PCDHA10: variants seen among roughly 807,000 people sequenced by gnomAD.
PCDHA10 encodes protocadherin alpha 10, also known as protocadherin alpha-10.
PCDHA10 carries 45 observed loss-of-function variants against 61.2 expected under a neutral mutation model. The observed-to-expected ratio is 0.74, with a 90% confidence interval of 0.58 to 0.94. The LOEUF (loss-of-function observed/expected upper bound fraction) is 0.94, where lower values mean the gene tolerates loss of function less well. Ranked by LOEUF, PCDHA10 falls within the 40% of genes least tolerant of loss-of-function variation. PCDHA10 has a pLI of 0.00. For synonymous variants in PCDHA10, 602 were observed against 548.8 expected, an observed-to-expected ratio of 1.10 and a Z score of -1.35; for missense variants, 1,278 against 1,236.2, an observed-to-expected ratio of 1.03 and a Z score of -0.51.
chr5:140,863,464 C>A, intron 1 of PCDHA10: 1 of 512,348 alleles, frequency 2.0e-6, no homozygotes, highest in South Asian at 1.5e-5. Context: ...AGATTTTACT[C>A]TGGAGAGTCG....
chr5:140,868,899 C>T (rs2050726190), intron 1 of PCDHA10: 5 of 804,894 alleles, frequency 6.2e-6, no homozygotes, highest in Admixed American at 3.0e-5. Flanking sequence ...CGCAAGGTGT[C>T]GCTCTTTACT....
chr5:140,882,103 G>A, intron 1 of PCDHA10: 2 of 1,335,054 alleles, frequency 1.5e-6, no homozygotes, highest in Non-Finnish European at 2.0e-6. Context: ...ACGTTTCCGC[G>A]AAGAAAGCCG....
chr5:140,899,491 A>T (rs1333944586), intron 1 of PCDHA10, among the ~76,000 whole-genome samples: 1 of 152,196 alleles, frequency 6.6e-6, no homozygotes, highest in East Asian at 1.9e-4. Flanking sequence ...GCTGGATTAC[A>T]TTTATTGATT....
chr5:140,952,101 A>G (rs1451958490), intron 1 of PCDHA10, among the ~76,000 whole-genome samples: 1 of 151,950 alleles, frequency 6.6e-6, no homozygotes, highest in African/African-American at 2.4e-5. Flanking sequence ...TCCAGGGCAC[A>G]CTCGTGTGAG....
chr5:140,926,767 C>T (rs1323702990), intron 1 of PCDHA10: 8 of 1,358,906 alleles, frequency 5.9e-6, no homozygotes, highest in Admixed American at 3.2e-5. Context: ...AGTATCCAGC[C>T]CGCAGCAGTG....
intron 1 of PCDHA10, chr5:140,969,516 A>G: frequency 1.4e-6 from 2 of 1,410,726 alleles, no homozygotes; most frequent in Non-Finnish European, 1.9e-6. Flanking sequence ...GCACTAAAGA[A>G]TTGTTTTATT....
intron 1 of PCDHA10, among the ~76,000 whole-genome samples, chr5:140,905,814 G>T (rs1303983123): frequency 6.6e-6 from 1 of 152,090 alleles, no homozygotes; most frequent in Non-Finnish European, 1.5e-5. Flanking sequence ...GAATTAATAG[G>T]CTAGATGTGT....
At chr5:140,976,818 G>A (rs782290955) in intron 1 of PCDHA10, among the ~76,000 whole-genome samples, 5 of 152,208 alleles carry the variant, frequency 3.3e-5, no homozygotes, top group Admixed American at 6.5e-5. Flanking sequence ...ATATGCATGT[G>A]TCTAATGAGC....
At chr5:141,009,538 C>T (rs1159631714) in intron 3 of PCDHA10, 89 bp from the exon 4 acceptor site, 11 of 1,522,362 alleles carry the variant, frequency 7.2e-6, no homozygotes, top group African/African-American at 1.4e-5. Context: ...GTTCAGCCTG[C>T]CTATGCAGTA....
intron 1 of PCDHA10, among the ~76,000 whole-genome samples, chr5:140,950,594 G>C (rs1469063256): frequency 6.6e-6 from 1 of 152,040 alleles, no homozygotes; most frequent in African/African-American, 2.4e-5. Flanking sequence ...TGGTTTAGAA[G>C]TTTGACTATG....
At chr5:140,877,637 G>C in intron 1 of PCDHA10, 1 of 1,613,638 alleles carries the variant, frequency 6.2e-7, no homozygotes, top group South Asian at 1.1e-5. Context: ...ACTGCGCTGC[G>C]TTGCTCAGCG....
At chr5:140,950,546 C>G (rs1323652854) in intron 1 of PCDHA10, among the ~76,000 whole-genome samples, 4 of 151,970 alleles carry the variant, frequency 2.6e-5, no homozygotes, top group Non-Finnish European at 4.4e-5. Flanking sequence ...TCTTGCATGG[C>G]TGGGGGGACA....
intron 1 of PCDHA10, among the ~76,000 whole-genome samples, chr5:140,893,884 G>T (rs189719076): frequency 6.6e-6 from 1 of 152,296 alleles, no homozygotes; most frequent in Non-Finnish European, 1.5e-5. Flanking sequence ...AAAGTGGCCA[G>T]AAAGTTACTT....
intron 1 of PCDHA10, among the ~76,000 whole-genome samples, chr5:140,900,759 A>G (rs1419646582): frequency 6.6e-6 from 1 of 152,044 alleles, no homozygotes; most frequent in Non-Finnish European, 1.5e-5. Context: ...TGGTAGCTCT[A>G]TTTTTGGCTT....
chr5:140,938,977 A>C (rs1205824371), intron 1 of PCDHA10, among the ~76,000 whole-genome samples: 1 of 152,190 alleles, frequency 6.6e-6, no homozygotes, highest in Admixed American at 6.5e-5. Flanking sequence ...CATCAAGGCT[A>C]TCCTGGCTTT....
intron 1 of PCDHA10, among the ~76,000 whole-genome samples, chr5:140,964,317 G>A (rs1042787994): frequency 2.0e-5 from 3 of 152,218 alleles, no homozygotes; most frequent in Non-Finnish European, 4.4e-5. Context: ...GCCTAAAACA[G>A]CATAATGGAC....
chr5:140,998,275 A>G (rs1554256218), intron 3 of PCDHA10, among the ~76,000 whole-genome samples: 1 of 152,198 alleles, frequency 6.6e-6, no homozygotes, highest in African/African-American at 2.4e-5. Context: ...TGACACCCAT[A>G]GGATTAAATC....
chr5:140,877,507 T>G, intron 1 of PCDHA10: 1 of 1,613,744 alleles, frequency 6.2e-7, no homozygotes, highest in Non-Finnish European at 8.5e-7. Flanking sequence ...CCCAAAGACG[T>G]CGTCGCGGGC....
At chr5:140,914,451 C>A (rs879984519) in intron 1 of PCDHA10, among the ~76,000 whole-genome samples, 1 of 152,094 alleles carries the variant, frequency 6.6e-6, no homozygotes, top group Non-Finnish European at 1.5e-5. Context: ...TCTTTATTTT[C>A]CAGTCTATGT....
Sources: gnomAD v4.1 joint callset for allele counts (sites outside exome capture counted in the v4.1 genomes callset) on GRCh38, gnomAD v4.1.1 for gene constraint, MANE v1.5 for transcripts, NCBI Gene and HGNC (gene_info 2026-07-23, HGNC 2026-07-21) for gene names.